ZBTB1: variants seen among roughly 807,000 people sequenced by gnomAD.
The protein encoded by ZBTB1 is zinc finger and BTB domain-containing protein 1.
In ZBTB1, 13 loss-of-function variants were observed where a neutral mutation model predicts 51.6. The observed-to-expected ratio is 0.25, with a 90% CI of 0.16 to 0.40. The LOEUF is 0.40. Among genes scored for constraint, ZBTB1 ranks in the 10% least tolerant of loss-of-function variants. ZBTB1 has a pLI of 1.00. For synonymous variants in ZBTB1, 240 were observed against 282.2 expected, an observed-to-expected ratio of 0.85 and a Z score of 1.50; for missense variants, 567 against 856.5, an observed-to-expected ratio of 0.66 and a Z score of 4.22.
intron 1 of ZBTB1, among the ~76,000 whole-genome samples, chr14:64,513,093 C>T (rs887203642): frequency 1.3e-5 from 2 of 152,044 alleles, no homozygotes; most frequent in Non-Finnish European, 2.9e-5. Context: ...TAAAATGATA[C>T]TTATATATGC....
exon 3 of ZBTB1, chr14:64,532,303 A>G (rs575814972): frequency 6.5e-6 from 1 of 153,754 alleles, no homozygotes; most frequent in African/African-American, 2.4e-5. Context: ...ATAGATATAA[A>G]TAATTCTAAA....
In ZBTB1 at chr14:64,521,855, G is replaced by A. The variant is rs930705753; in HGVS notation, c.351G>A (p.Gln117=). The change falls in exon 2 of 2, where the codon CAG becomes CAA. Residue 117 remains glutamine (Q), a synonymous_variant. Transcript: ENST00000683701. ...TTCCTGACTGTTTAGAAGACATCCAGGATGCAGATTGTTCTAGTTCAAAAT... is the reference window on the plus strand; with the variant it reads ...TTCCTGACTGTTTAGAAGACATCCAAGATGCAGATTGTTCTAGTTCAAAAT... The part of the protein sequence containing the change: ...YNVPDCLEDI[Q]DADCSSSKCS... 2.5e-6 allele frequency: 4 copies of A among 1,612,856 alleles called. No homozygotes were observed. Among genetic ancestry groups the A allele is most frequent in the Non-Finnish European group, 3.4e-6 (4 of 1,180,034 alleles).
rs2079883270 is a variant in ZBTB1 at position 64,523,953 on chromosome 14, A to G, written c.*307A>G. On this transcript the variant is annotated 3_prime_UTR_variant, in exon 2 of 2. Coordinates refer to ENST00000683701, the MANE Select transcript of ZBTB1 (RefSeq NM_001123329.2). The surrounding 1 kb of genome is among the most constrained non-coding windows in gnomAD (Gnocchi z 4.5). ...ACTATTAAACTTTAGTTTTTCATCA[A>G]TAAGGTGATGACTTCACTATTTCTA... is the stretch of plus-strand genomic sequence containing the variant. 1.6e-5 allele frequency: 17 copies of G among 1,045,650 alleles called. No homozygotes were observed. Among genetic ancestry groups the G allele is most frequent in the Non-Finnish European group, 2.0e-5 (17 of 860,754 alleles). 64.8% of individuals were successfully genotyped at this position (1,045,650 alleles called of 1,614,324 possible). A position where few individuals can be genotyped will look rare whatever the true frequency, so the allele number is the denominator to read the frequency against.
chr14:64,522,770 T>C lies in ZBTB1; in HGVS notation c.1266T>C (p.Ser422=), dbSNP rs1430766427. The C allele has an allele frequency of 3.0e-5, 49 of 1,614,218 alleles. No individual in the cohort carries two copies. The highest frequency in any genetic ancestry group is 3.9e-5 in the Non-Finnish European group (46 of 1,180,014). Residue 422 remains serine (S), a synonymous_variant, in exon 2 of 2, where the codon TCT becomes TCC. Coordinates refer to ENST00000683701, the MANE Select transcript of ZBTB1 (RefSeq NM_001123329.2). ...SPVQEDAENA[S]CELCGLTITE... The stretch of plus-strand genomic sequence containing the variant: ...TACAAGAGGATGCTGAAAATGCATC[T>C]TGTGAGCTGTGTGGACTTACAATAA...
Position 64,522,527 on chromosome 14 carries a change from C to T in ZBTB1, c.1023C>T (p.Asp341=). The stretch of plus-strand genomic sequence containing the variant: ...ATATTCCTACAGATGAACTGAAAGA[C>T]TTTAACATTATTAAAGTTACTGATA... ...PEDIPTDELK[D]FNIIKVTDKD... is the part of the protein sequence containing the mutation. Residue 341 remains aspartate, a synonymous_variant, in exon 2 of 2, where the codon GAC becomes GAT. Coordinates refer to ENST00000683701, the MANE Select transcript of ZBTB1 (RefSeq NM_001123329.2). The T allele has an allele frequency of 6.2e-7, 1 of 1,613,950 alleles. No individual in the cohort carries two copies. Among genetic ancestry groups the T allele is most frequent in the Non-Finnish European group, 8.5e-7 (1 of 1,179,970 alleles).
At position 64,522,479 on chromosome 14, in the gene ZBTB1, T is replaced by C. The variant is rs1266412679; in HGVS notation, c.975T>C (p.Ile325=). ...GCAGAGCTGCTGAGAGGAAAAGGAT[T>C]ATTATTAAGATGGAGCCAGAAGATA... ...EKSRAAERKR[I]IIKMEPEDIP... The change falls in exon 2 of 2, where the codon ATT becomes ATC. Residue 325 remains isoleucine, a synonymous_variant. Coordinates refer to ENST00000683701, the MANE Select transcript of ZBTB1 (RefSeq NM_001123329.2). The C allele has an allele frequency of 2.5e-6, 4 of 1,614,080 alleles. No individual in the cohort carries two copies. The South Asian group carries it at 4.4e-5, about 18-fold the overall frequency.
chr14:64,506,303 C>T (rs2079654345), intron 1 of ZBTB1, among the ~76,000 whole-genome samples: 1 of 152,296 alleles, frequency 6.6e-6, no homozygotes, highest in Admixed American at 6.5e-5. Context: ...GAGGCCGAGG[C>T]GGGTGGATCA....
intron 1 of ZBTB1, among the ~76,000 whole-genome samples, chr14:64,517,781 A>ATAT (rs1160337478): frequency 1.4e-4 from 6 of 41,560 alleles, no homozygotes; most frequent in African/African-American, 5.3e-4. Context: ...ATATATATAT[A>ATAT]TTTTTTTTTT....
rs985200217 is a variant in ZBTB1 at position 64,522,092 on chromosome 14, T to C, written c.588T>C (p.Ser196=). Residue 196 remains serine (S), a synonymous_variant, in exon 2 of 2, where the codon AGT becomes AGC. Coordinates refer to ENST00000683701, the MANE Select transcript of ZBTB1 (RefSeq NM_001123329.2). ...CACTATTTGATGTATGTAAAAAAAG[T>C]TCCGTGTCCAAATTATCTACTCCAA... ...PEPLFDVCKK[S]SVSKLSTPKE... is the part of the protein sequence containing the mutation. 4 of 1,614,198 alleles carry C rather than the reference T, an allele frequency of 2.5e-6. No individual in the cohort carries two copies. The African/African-American group carries it at 5.3e-5, about 21-fold the overall frequency.
exon 3 of ZBTB1, chr14:64,532,137 T>C: frequency 2.4e-6 from 1 of 417,588 alleles, no homozygotes; most frequent in Non-Finnish European, 4.2e-6. Context: ...GTAAATCTGC[T>C]GAAGAAAAGT....
In ZBTB1 at chr14:64,522,961, A is replaced by T. The variant is rs750994819; in HGVS notation, c.1457A>T (p.Glu486Val). 21 of 1,614,128 alleles carry T rather than the reference A, an allele frequency of 1.3e-5. No homozygotes were observed. Among genetic ancestry groups the T allele is most frequent in the Non-Finnish European group, 1.8e-5 (21 of 1,180,046 alleles). ...ATGAATGGGTTAGGAAATACTGAGG[A>T]GAAAATGGACTTGGAAGAGAATCCT... is the stretch of plus-strand genomic sequence containing the variant. ...LTMNGLGNTE[E>V]KMDLEENPDE... The change falls in exon 2 of 2, where the codon GAG becomes GTG. Residue 486 changes from glutamate (E) to valine (V), a missense_variant. Glu to Val is a moderately radical substitution (Grantham distance 121). This residue lies in a region of ZBTB1 where 329 missense variants were observed against 406.3 expected (regional missense o/e 0.81). Coordinates refer to ENST00000683701, the MANE Select transcript of ZBTB1 (RefSeq NM_001123329.2).
In ZBTB1 at chr14:64,521,891, T is replaced by A. The variant is rs1025058811; in HGVS notation, c.387T>A (p.Ser129=). Residue 129 remains serine, a synonymous_variant, in exon 2 of 2, where the codon TCT becomes TCA. Transcript: ENST00000683701. ...ADCSSSKCSS[S]ASSKQNSKMI... ...GTTCTAGTTCAAAATGTTCCTCTTC[T>A]GCTTCCAGCAAACAGAACAGCAAAA... 6.2e-7 allele frequency: 1 copy of A among 1,613,812 alleles called. No individual in the cohort carries two copies. The highest frequency in any genetic ancestry group is 1.3e-5 in the African/African-American group (1 of 74,950).
chr14:64,523,811 G>T lies in ZBTB1; in HGVS notation c.*165G>T. The T allele has an allele frequency of 1.6e-6, 2 of 1,287,366 alleles. No individual in the cohort carries two copies. Among genetic ancestry groups the T allele is most frequent in the South Asian group, 2.6e-5 (1 of 38,236 alleles). The allele number at this position is 1,287,366 out of a possible 1,614,324, so 79.7% of individuals were successfully genotyped here. A position where few individuals can be genotyped will look rare whatever the true frequency, so the allele number is the denominator to read the frequency against. On this transcript the variant is annotated 3_prime_UTR_variant, in exon 2 of 2. Transcript: ENST00000683701. This position sits in a 1 kb window ranked among gnomAD's most constrained non-coding sequence, Gnocchi z 4.5. Reference sequence around the variant, plus strand: ...TTAGGATTTTAAGTATCTACATTTAGGTATTAAATGTTTATCATTTTTGTT... The same window carrying T: ...TTAGGATTTTAAGTATCTACATTTATGTATTAAATGTTTATCATTTTTGTT...
chr14:64,526,830 C>T (rs1178227315), downstream of ZBTB1, among the ~76,000 whole-genome samples: 1 of 151,932 alleles, frequency 6.6e-6, no homozygotes, highest in Non-Finnish European at 1.5e-5. Context: ...TTGCTTGAGT[C>T]CAGGAGTTCC....
Position 64,519,769 on chromosome 14 carries a change from C to A in ZBTB1, c.-18-1718C>A, listed in dbSNP as rs2079840571. On this transcript the variant is annotated intron_variant, in intron 1 of 1. Transcript: ENST00000683701. The stretch of plus-strand genomic sequence containing the variant: ...CTCCAGCCTAGGTAACAGAGCGAGA[C>A]CCTGCCTCAAAAAAAAAAAAAGGAA... 2.7e-5 allele frequency among the ~76,000 whole-genome samples: 4 copies of A among 150,212 alleles called. No individual in the cohort carries two copies. In the South Asian group the frequency reaches 6.3e-4, roughly 24 times the overall value.
chr14:64,512,711 C>G (rs2079737782), intron 1 of ZBTB1, among the ~76,000 whole-genome samples: 1 of 152,184 alleles, frequency 6.6e-6, no homozygotes, highest in Admixed American at 6.5e-5. Flanking sequence ...ATAAAATTTT[C>G]TAAACTTGAT....
intron 1 of ZBTB1, among the ~76,000 whole-genome samples, chr14:64,512,812 T>A (rs1049422488): frequency 6.6e-6 from 1 of 152,122 alleles, no homozygotes. Flanking sequence ...AGGAGAAACC[T>A]AGAGAATGTA....
At chr14:64,514,024 T>G in intron 1 of ZBTB1, 1 of 152,226 alleles carries the variant, frequency 6.6e-6, no homozygotes, top group East Asian at 1.9e-4. Flanking sequence ...CATATACAGT[T>G]ATCTCTATTG....
At chr14:64,531,824 T>C (rs913306144) in intron 2 of ZBTB1, 6 of 1,613,064 alleles carry the variant, frequency 3.7e-6, no homozygotes, top group Non-Finnish European at 3.4e-6. Context: ...ACTTGTAATA[T>C]TATTTTTCTT....
Sources: gnomAD v4.1 joint callset for allele counts (sites outside exome capture counted in the v4.1 genomes callset) on GRCh38, gnomAD v4.1.1 for gene constraint, gnomAD v4.1.1 regional missense constraint, Gnocchi (gnomAD v3.1) non-coding constraint, MANE v1.5 for transcripts, NCBI Gene and HGNC (gene_info 2026-07-23, HGNC 2026-07-21) for gene names.